The following SRPK1 variants were observed in gnomAD, a reference collection of about 807,000 sequenced individuals.
The protein encoded by SRPK1 is SRSF protein kinase 1.
SRPK1 carries 52 observed loss-of-function variants against 89.5 expected under a neutral mutation model. The observed-to-expected ratio is 0.58, with a 90% CI of 0.46 to 0.73. SRPK1 has a LOEUF of 0.73. Among genes scored for constraint, SRPK1 ranks in the 30% least tolerant of loss-of-function variants. SRPK1 has a pLI of 0.00. For synonymous variants in SRPK1, 255 were observed against 270.2 expected (o/e 0.94, Z 0.55); for missense variants, 603 against 780.6 (o/e 0.77, Z 2.71).
chr6:35,904,392 C>A (rs7747456), intron 2 of SRPK1, among the ~76,000 whole-genome samples: 403 of 152,256 alleles, frequency 2.6e-3, no homozygotes, highest in African/African-American at 9.4e-3. Context: ...AGGGAACTTG[C>A]AACAGTCAGC....
intron 15 of SRPK1, among the ~76,000 whole-genome samples, chr6:35,837,751 T>C (rs981759412): frequency 2.0e-5 from 3 of 151,942 alleles, no homozygotes; most frequent in African/African-American, 7.3e-5. Context: ...AGAGACAGGG[T>C]TTTCCTGTGC....
rs1770507650 is a variant in SRPK1, at chr6:35,891,016, A to C, written c.75-3T>G. The stretch of plus-strand genomic sequence containing the variant: ...AGCCTCGGTGCTGAGTTTCAGATCT[A>C]AGAAATGATACAAAAATGCCCATTC... On this transcript the variant is annotated splice_polypyrimidine_tract_variant and splice_region_variant and intron_variant, in intron 2 of 15. Transcript: ENST00000373825. 6.5e-7 allele frequency: 1 copy of C among 1,548,706 alleles called. No individual in the cohort carries two copies.
At chr6:35,859,943 C>T (rs1769745818) in intron 12 of SRPK1, among the ~76,000 whole-genome samples, 7 of 151,712 alleles carry the variant, frequency 4.6e-5, no homozygotes. Flanking sequence ...ACTGCAAGCT[C>T]TGCCTCCTGG....
rs190693547 is a variant in SRPK1 at position 35,915,833 on chromosome 6, G to A, written c.74+4635C>T. Among the ~76,000 whole-genome samples the A allele has an allele frequency of 1.3e-3, 196 of 151,650 alleles. 1 individual carries two copies. Among genetic ancestry groups the A allele is most frequent in the Non-Finnish European group, 1.9e-3 (132 of 67,898 alleles). On this transcript the variant is annotated intron_variant, in intron 2 of 15. Coordinates refer to ENST00000373825, the MANE Select transcript of SRPK1 (RefSeq NM_003137.5). ...TAAAAATACAAAAAATTAGTGGGGC[G>A]TGGTGGCACACACCTGTAGTCCCAG... is the stretch of plus-strand genomic sequence containing the variant.
Position 35,902,229 on chromosome 6 carries a change from CTA to C in SRPK1, c.75-11218_75-11217del, listed in dbSNP as rs1399011610. The stretch of plus-strand genomic sequence containing the variant: ...TGGGCCAGATGGCGAGACTCCGTCT[CTA>C]CAAAAAAAAAAAAAAAAAAAAGAAA... On this transcript the variant is annotated intron_variant, in intron 2 of 15. Transcript: ENST00000373825. 3.7e-5 allele frequency among the ~76,000 whole-genome samples: 4 copies of C among 107,178 alleles called. No homozygotes were observed. In the South Asian group the frequency reaches 1.4e-3, roughly 38 times the overall value. The allele number at this position is 107,178 out of a possible 152,430, so 70.3% of individuals were successfully genotyped here.
Position 35,869,893 on chromosome 6 carries a change from T to G in SRPK1, c.1000A>C (p.Ser334Arg). The G allele has an allele frequency of 6.4e-7, 1 of 1,559,676 alleles. No homozygotes were observed. Residue 334 changes from serine (S) to arginine (R), a missense_variant, in exon 11 of 16, where the codon AGT becomes CGT. Coordinates refer to ENST00000373825, the MANE Select transcript of SRPK1 (RefSeq NM_003137.5). ...AGCGTTTGATCCTGGCCAATGGTACTTGACTCTTCTAAGGAACAAACGAAC... is the reference window on the plus strand; with the variant it reads ...AGCGTTTGATCCTGGCCAATGGTACGTGACTCTTCTAAGGAACAAACGAAC... ...KMTQEKLEES[S>R]TIGQDQTLME...
Position 35,888,922 on chromosome 6 carries a change from T to C in SRPK1, c.195A>G (p.Gly65=), listed in dbSNP as rs1770463236. The change falls in exon 4 of 16, where the codon GGA becomes GGG. Residue 65 remains glycine (G), a splice_region_variant and synonymous_variant. Coordinates refer to ENST00000373825, the MANE Select transcript of SRPK1 (RefSeq NM_003137.5). ...EQEDPNDYCK[G]GYHLVKIGDL... The stretch of plus-strand genomic sequence containing the variant: ...CTCCAATTTTCACAAGATGATAACC[T>C]CCTGGAAGAAACAGGGGAAATACAA... The C allele has an allele frequency of 1.2e-6, 2 of 1,601,114 alleles. No homozygotes were observed. Among genetic ancestry groups the C allele is most frequent in the Non-Finnish European group, 1.7e-6 (2 of 1,168,838 alleles).
At chr6:35,903,837 T>C (rs1770794438) in intron 2 of SRPK1, among the ~76,000 whole-genome samples, 1 of 152,192 alleles carries the variant, frequency 6.6e-6, no homozygotes, top group Non-Finnish European at 1.5e-5. Context: ...ATTACACACC[T>C]GGACTTCTGT....
intron 13 of SRPK1, among the ~76,000 whole-genome samples, chr6:35,853,092 TG>T (rs1480709992): frequency 6.6e-6 from 1 of 151,970 alleles, no homozygotes; most frequent in Admixed American, 6.6e-5. Flanking sequence ...AATTTAAAAA[TG>T]AGCCGAGTGG....
chr6:35,915,591 C>A (rs1361440648), intron 2 of SRPK1, among the ~76,000 whole-genome samples: 1 of 152,002 alleles, frequency 6.6e-6, no homozygotes, highest in Non-Finnish European at 1.5e-5. Context: ...CTGGAAACAG[C>A]CCATAGTGGA....
At chr6:35,865,489 A>G (rs573358283) in intron 12 of SRPK1, among the ~76,000 whole-genome samples, 1 of 152,294 alleles carries the variant, frequency 6.6e-6, no homozygotes, top group Non-Finnish European at 1.5e-5. Flanking sequence ...TAAATAGCCA[A>G]AAGAATCCTA....
In SRPK1 at chr6:35,906,669, G is replaced by C. The variant is rs114237328; in HGVS notation, c.74+13799C>G. Among the ~76,000 whole-genome samples the C allele has an allele frequency of 8.0e-3, 1,218 of 152,350 alleles. 13 individuals are homozygous for C. Among genetic ancestry groups the C allele is most frequent in the African/African-American group, 0.024 (978 of 41,580 alleles). On this transcript the variant is annotated intron_variant, in intron 2 of 15. Transcript: ENST00000373825. The stretch of plus-strand genomic sequence containing the variant: ...GGTTGAAGGTGAGGCAGTGTCGGGA[G>C]TCAAGGGGTATGACTGCTAATAGGT...
At chr6:35,844,884 A>C (rs1769393579) in intron 13 of SRPK1, among the ~76,000 whole-genome samples, 1 of 152,102 alleles carries the variant, frequency 6.6e-6, no homozygotes, top group Non-Finnish European at 1.5e-5. Flanking sequence ...AAAACAAAAA[A>C]CAAAAAACAC....
intron 2 of SRPK1, among the ~76,000 whole-genome samples, chr6:35,912,778 A>G (rs1258557404): frequency 3.3e-5 from 5 of 152,150 alleles, no homozygotes; most frequent in Admixed American, 3.3e-4. Context: ...ATTTTAGTTG[A>G]TCATCTTTCT....
In SRPK1 at chr6:35,835,094, A is replaced by C; in HGVS notation, c.*210T>G. ...CATTAGTCTTTGGCAGAGCCCAACC[A>C]AGGCCAAATTCACCTAGGATGCCCA... On this transcript the variant is annotated 3_prime_UTR_variant, in exon 16 of 16. Transcript: ENST00000373825. 2.1e-6 allele frequency: 1 copy of C among 470,128 alleles called. No individual in the cohort carries two copies. Among genetic ancestry groups the C allele is most frequent in the Non-Finnish European group, 3.8e-6 (1 of 264,832 alleles). The allele number at this position is 470,128 out of a possible 1,614,324, so 29.1% of individuals were successfully genotyped here.
At position 35,835,582 on chromosome 6, in the gene SRPK1, A is replaced by C. The variant is rs896356848; in HGVS notation, c.1784-94T>G. ...ACCCACAAACTAACCCATGTAGTCTATGAGGAATCAAATTTTGCAATCAGA... is the reference window on the plus strand; with the variant it reads ...ACCCACAAACTAACCCATGTAGTCTCTGAGGAATCAAATTTTGCAATCAGA... On this transcript the variant is annotated intron_variant, in intron 15 of 15. Transcript: ENST00000373825. 8 of 1,138,048 alleles carry C rather than the reference A, an allele frequency of 7.0e-6. No homozygotes were observed. In the Admixed American group the frequency reaches 1.2e-4, roughly 17 times the overall value. 70.5% of individuals were successfully genotyped at this position (1,138,048 alleles called of 1,614,324 possible).
intron 11 of SRPK1, 154 bp from the exon 12 acceptor site, chr6:35,869,264 G>T: frequency 1.2e-6 from 1 of 869,536 alleles, no homozygotes; most frequent in Non-Finnish European, 1.7e-6. Flanking sequence ...AACGCCTTGA[G>T]TTTCCAGAAT....
chr6:35,903,082 C>T (rs1260076570), intron 2 of SRPK1, among the ~76,000 whole-genome samples: 1 of 151,638 alleles, frequency 6.6e-6, no homozygotes, highest in Non-Finnish European at 1.5e-5. Context: ...AGTTCAAGAC[C>T]AGCCTAGGCA....
At chr6:35,912,097 G>A (rs1403467484) in intron 2 of SRPK1, among the ~76,000 whole-genome samples, 1 of 152,044 alleles carries the variant, frequency 6.6e-6, no homozygotes, top group Non-Finnish European at 1.5e-5. Context: ...TACTCAGGAG[G>A]CTAAGGCAGG....
Sources: gnomAD v4.1 joint callset for allele counts (sites outside exome capture counted in the v4.1 genomes callset) on GRCh38, gnomAD v4.1.1 for gene constraint, MANE v1.5 for transcripts, NCBI Gene and HGNC (gene_info 2026-07-23, HGNC 2026-07-21) for gene names.